The following CNTN6 variants were observed in gnomAD, a reference collection of about 807,000 sequenced individuals.
CNTN6 encodes the protein contactin 6, also known as contactin-6.
In CNTN6, 137 loss-of-function variants were observed where a neutral mutation model predicts 122.8. The observed-to-expected ratio is 1.12, with a 90% CI of 0.97 to 1.29. CNTN6 has a LOEUF of 1.29. CNTN6 is among the 50% of genes most tolerant of loss of function. CNTN6 has a pLI of 0.00. For missense variants in CNTN6, 1,634 were observed against 1,223.4 expected, an observed-to-expected ratio of 1.34 and a Z score of -5.01; for synonymous variants, 570 against 426.0, an observed-to-expected ratio of 1.34 and a Z score of -4.16.
intron 1 of CNTN6, among the ~76,000 whole-genome samples, chr3:1,115,444 G>A (rs183805971): frequency 2.8e-4 from 42 of 152,238 alleles, no homozygotes; most frequent in Admixed American, 2.6e-3. Flanking sequence ...ATCATAAAAG[G>A]GAAGCTTAAA....
At chr3:1,221,132 T>C (rs1298846064) in intron 3 of CNTN6, among the ~76,000 whole-genome samples, 1 of 151,776 alleles carries the variant, frequency 6.6e-6, no homozygotes, top group Admixed American at 6.6e-5. Flanking sequence ...ATGCATTGCC[T>C]TATTGTGGTC....
chr3:1,235,297 G>C (rs1000876047), intron 4 of CNTN6, among the ~76,000 whole-genome samples: 2 of 152,052 alleles, frequency 1.3e-5, no homozygotes, highest in Non-Finnish European at 1.5e-5. Flanking sequence ...TGAAATGCTT[G>C]TTTATTACTC....
intron 1 of CNTN6, among the ~76,000 whole-genome samples, chr3:1,134,237 G>A (rs1387112673): frequency 5.9e-5 from 9 of 152,102 alleles, no homozygotes; most frequent in Admixed American, 1.3e-4. Flanking sequence ...TATACTTGTC[G>A]TTACTGAGTT....
At chr3:1,182,062 C>G (rs375831517) in intron 2 of CNTN6, among the ~76,000 whole-genome samples, 18 of 152,112 alleles carry the variant, frequency 1.2e-4, no homozygotes, top group East Asian at 3.9e-4. Context: ...TTTATTCTTT[C>G]TAGGCATTCA....
chr3:1,145,638 A>T (rs2092708900), intron 1 of CNTN6, among the ~76,000 whole-genome samples: 1 of 152,184 alleles, frequency 6.6e-6, no homozygotes, highest in African/African-American at 2.4e-5. Flanking sequence ...ACAAAGATTT[A>T]TGGCCATGCT....
intron 7 of CNTN6, among the ~76,000 whole-genome samples, chr3:1,306,187 G>A (rs1167205191): frequency 2.0e-5 from 3 of 152,128 alleles, no homozygotes; most frequent in African/African-American, 4.8e-5. Flanking sequence ...ATAGAGAACA[G>A]AATCTCTTCC....
chr3:1,307,829 A>G (rs1232126872), intron 7 of CNTN6, among the ~76,000 whole-genome samples: 1 of 152,172 alleles, frequency 6.6e-6, no homozygotes. Context: ...GGAAGAACAT[A>G]AAGGTAAGGA....
intron 1 of CNTN6, among the ~76,000 whole-genome samples, chr3:1,140,132 A>G (rs996900243): frequency 4.6e-5 from 7 of 152,208 alleles, no homozygotes; most frequent in Non-Finnish European, 5.9e-5. Flanking sequence ...TCCAATGAAT[A>G]AGTATTTCTT....
chr3:1,162,074 G>A (rs1261487337), intron 2 of CNTN6, among the ~76,000 whole-genome samples: 5 of 151,994 alleles, frequency 3.3e-5, no homozygotes, highest in Non-Finnish European at 7.4e-5. Context: ...AATCAAACTT[G>A]GTTTACCGAA....
intron 20 of CNTN6, among the ~76,000 whole-genome samples, chr3:1,400,985 T>A (rs980675594): frequency 6.6e-6 from 1 of 152,078 alleles, no homozygotes; most frequent in Non-Finnish European, 1.5e-5. Context: ...TGTGTTACAG[T>A]TAGAAAGCTA....
chr3:1,328,388 A>G (rs1701828257), intron 10 of CNTN6, among the ~76,000 whole-genome samples: 1 of 151,818 alleles, frequency 6.6e-6, no homozygotes. Context: ...CAGAGGAGAT[A>G]AAAGAGAGGA....
intron 2 of CNTN6, among the ~76,000 whole-genome samples, chr3:1,181,606 G>A (rs757908052): frequency 6.6e-6 from 1 of 152,104 alleles, no homozygotes; most frequent in African/African-American, 2.4e-5. Flanking sequence ...TTGTACTTGT[G>A]TGTATGTGTG....
In CNTN6 at chr3:1,297,967, A is replaced by T; in HGVS notation, c.737A>T (p.Lys246Ile). Residue 246 changes from lysine (K) to isoleucine (I), a missense_variant, in exon 7 of 23, where the codon AAA becomes ATA. By Grantham distance (102) the Lys-to-Ile change is moderately radical. Coordinates refer to ENST00000446702, the MANE Select transcript of CNTN6 (RefSeq NM_001289080.2). ...CAAGCTGCAAAGGATTCATCTGTAA[A>T]ACTGGAATGTTTTGCCCTTGGAAAG... is the stretch of plus-strand genomic sequence containing the variant. ...TIQAAKDSSV[K>I]LECFALGNPV... The T allele has an allele frequency of 6.2e-7, 1 of 1,610,758 alleles. No homozygotes were observed.
chr3:1,212,187 T>C (rs1225721296), intron 2 of CNTN6, among the ~76,000 whole-genome samples: 1 of 151,862 alleles, frequency 6.6e-6, no homozygotes, highest in Non-Finnish European at 1.5e-5. Flanking sequence ...AATTATTACT[T>C]AGAAACATTT....
chr3:1,260,575 T>C (rs1575460276), intron 4 of CNTN6, among the ~76,000 whole-genome samples: 1 of 152,204 alleles, frequency 6.6e-6, no homozygotes, highest in East Asian at 1.9e-4. Flanking sequence ...GAGGTGATTT[T>C]ATAACACATT....
intron 20 of CNTN6, among the ~76,000 whole-genome samples, chr3:1,390,649 T>A (rs543151251): frequency 0.019 from 2,847 of 151,852 alleles, 91 homozygotes; most frequent in African/African-American, 0.065. Flanking sequence ...TCAACAAAAT[T>A]GATAGACCGC....
chr3:1,365,466 A>G (rs1708081927), intron 12 of CNTN6, among the ~76,000 whole-genome samples: 1 of 152,040 alleles, frequency 6.6e-6, no homozygotes, highest in South Asian at 2.1e-4. Context: ...ATGTGAATAT[A>G]TGACATATTT....
At chr3:1,174,668 C>T (rs776960728) in intron 2 of CNTN6, among the ~76,000 whole-genome samples, 10 of 152,166 alleles carry the variant, frequency 6.6e-5, no homozygotes, top group Non-Finnish European at 1.2e-4. Context: ...AAATTTCAGT[C>T]ATCCATTCAA....
intron 5 of CNTN6, among the ~76,000 whole-genome samples, chr3:1,281,464 CTTTTTT>C (rs4065407): frequency 7.3e-6 from 1 of 136,988 alleles, no homozygotes; most frequent in Non-Finnish European, 1.6e-5. Flanking sequence ...TAAAAGTTGA[CTTTTTT>C]TTTTTTTTTT....
Sources: gnomAD v4.1 joint callset for allele counts (sites outside exome capture counted in the v4.1 genomes callset) on GRCh38, gnomAD v4.1.1 for gene constraint, MANE v1.5 for transcripts, NCBI Gene and HGNC (gene_info 2026-07-23, HGNC 2026-07-21) for gene names.